Variants in ATRNL1 observed in about 807,000 individuals in gnomAD.
ATRNL1 encodes attractin like 1, also known as attractin-like protein 1.
Under a neutral mutation model 182.7 loss-of-function variants are expected in ATRNL1, and 95 were observed. The ratio of observed to expected loss-of-function variants is 0.52; its 90% confidence interval spans 0.44 to 0.62. The LOEUF (loss-of-function observed/expected upper bound fraction) is 0.62. ATRNL1 is among the 20% of genes least tolerant of loss of function. The pLI is 0.00. For synonymous variants in ATRNL1, 576 were observed against 568.3 expected (o/e 1.01, Z -0.19); for missense variants, 1,471 against 1,679.5 (o/e 0.88, Z 2.17).
intron 27 of ATRNL1, among the ~76,000 whole-genome samples, chr10:115,846,048 A>G (rs1555098666): frequency 1.3e-5 from 2 of 152,076 alleles, no homozygotes; most frequent in African/African-American, 4.8e-5. Flanking sequence ...ATATCTATGT[A>G]CTTATGCTGA....
intron 19 of ATRNL1, among the ~76,000 whole-genome samples, chr10:115,343,579 A>G (rs1855844399): frequency 6.6e-6 from 1 of 152,050 alleles, no homozygotes. Flanking sequence ...GGTATTTTAA[A>G]TTCTCTGTTT....
At chr10:115,366,655 A>G (rs1321194458) in intron 19 of ATRNL1, among the ~76,000 whole-genome samples, 31 of 150,790 alleles carry the variant, frequency 2.1e-4, no homozygotes, top group African/African-American at 7.6e-4. Context: ...AGCGGCTGGT[A>G]CCGGTTGTTC....
intron 27 of ATRNL1, among the ~76,000 whole-genome samples, chr10:115,826,495 T>C (rs1489525306): frequency 6.6e-6 from 1 of 152,100 alleles, no homozygotes. Flanking sequence ...TAGTTTGGCG[T>C]ATGGGAAACA....
intron 28 of ATRNL1, among the ~76,000 whole-genome samples, chr10:115,900,465 CA>C (rs1952322033): frequency 6.6e-6 from 1 of 152,138 alleles, no homozygotes; most frequent in South Asian, 2.1e-4. Context: ...AGCTACAAAA[CA>C]GGAGATAATA....
intron 27 of ATRNL1, among the ~76,000 whole-genome samples, chr10:115,809,659 G>A (rs1950002542): frequency 6.6e-6 from 1 of 151,808 alleles, no homozygotes; most frequent in South Asian, 2.1e-4. Flanking sequence ...TTGTGACATT[G>A]CAACACTCAA....
chr10:115,244,365 G>T (rs1417495681), intron 10 of ATRNL1, among the ~76,000 whole-genome samples: 3 of 151,916 alleles, frequency 2.0e-5, no homozygotes, highest in Admixed American at 1.3e-4. Context: ...TTCTATTATT[G>T]CATGATGGAT....
intron 1 of ATRNL1, among the ~76,000 whole-genome samples, chr10:115,095,375 TAA>T (rs58764432): frequency 0.013 from 1,684 of 124,866 alleles, 28 homozygotes; most frequent in African/African-American, 0.044. Context: ...TTTTTTTTTT[TAA>T]AAAAAAACTT....
chr10:115,226,456 C>T (rs1173351291), intron 9 of ATRNL1, among the ~76,000 whole-genome samples: 1 of 151,820 alleles, frequency 6.6e-6, no homozygotes, highest in South Asian at 2.1e-4. Flanking sequence ...ATGCCATGCT[C>T]ATGGATCAGA....
chr10:115,922,744 G>A (rs1375688806), intron 28 of ATRNL1, among the ~76,000 whole-genome samples: 1 of 152,162 alleles, frequency 6.6e-6, no homozygotes, highest in Non-Finnish European at 1.5e-5. Flanking sequence ...GTAAGAACAT[G>A]TTTTAAATTT....
rs533580317 is a variant in ATRNL1, at chr10:115,402,214, G to C, written c.3269+7462G>C. On this transcript the variant is annotated intron_variant, in intron 20 of 28. Transcript: ENST00000355044. ...CTACTTTGTGTTTATATGTAAAATG[G>C]AGTTAGATTCCAGGCTGAAATATTT... Among the ~76,000 whole-genome samples, 35 of 152,214 alleles carry C rather than the reference G, an allele frequency of 2.3e-4. No homozygotes were observed. The South Asian group carries it at 3.5e-3, about 15-fold the overall frequency.
At chr10:115,425,390 A>G (rs1353894637) in intron 20 of ATRNL1, among the ~76,000 whole-genome samples, 4 of 151,956 alleles carry the variant, frequency 2.6e-5, no homozygotes, top group African/African-American at 7.2e-5. Flanking sequence ...AAGTCACTTT[A>G]TTAAGTTACC....
At chr10:115,224,170 C>T (rs886892072) in intron 9 of ATRNL1, among the ~76,000 whole-genome samples, 1 of 151,220 alleles carries the variant, frequency 6.6e-6, no homozygotes. Context: ...CTCTTGACCT[C>T]GTGATCTGCC....
chr10:115,386,603 C>T (rs577640055), intron 19 of ATRNL1, among the ~76,000 whole-genome samples: 1 of 152,102 alleles, frequency 6.6e-6, no homozygotes, highest in East Asian at 1.9e-4. Flanking sequence ...TGGACTTCTC[C>T]TCCAGTAAAA....
Position 115,944,664 on chromosome 10 carries a change from C to A in ATRNL1, c.4025C>A (p.Ala1342Glu). Residue 1342 changes from alanine to glutamate, a missense_variant, in exon 29 of 29, where the codon GCA becomes GAA. Ala to Glu is a moderately radical substitution (Grantham distance 107). This residue lies in a region of ATRNL1 where 437 missense variants were observed against 506.0 expected (regional missense o/e 0.86). Coordinates refer to ENST00000355044, the MANE Select transcript of ATRNL1 (RefSeq NM_207303.4). ...CTTTTCTCTTTCCTTCCAGGCCTTG[C>A]AATTGCCAGTGCCCTAATAGATATT... is the stretch of plus-strand genomic sequence containing the variant. Reference protein sequence around the residue: ...GAPPPGQSGLAIASALIDISQ... With the variant: ...GAPPPGQSGLEIASALIDISQ... 1 of 1,608,538 alleles carries A rather than the reference C, an allele frequency of 6.2e-7. No homozygotes were observed. Among genetic ancestry groups the A allele is most frequent in the Non-Finnish European group, 8.5e-7 (1 of 1,176,796 alleles).
rs528413029 is a variant in ATRNL1, at chr10:115,109,124, A to G, written c.294-11061A>G. ...TGAGCCCTCATCAGAATCATCCTTA[A>G]TGTTCTTTTCATACCAATACAAGTT... On this transcript the variant is annotated intron_variant, in intron 1 of 28. Transcript: ENST00000355044. Among the ~76,000 whole-genome samples, 21 of 151,892 alleles carry G rather than the reference A, an allele frequency of 1.4e-4. No individual in the cohort carries two copies. The South Asian group carries it at 4.4e-3, about 32-fold the overall frequency.
chr10:115,593,111 C>A (rs1309137669), intron 26 of ATRNL1, among the ~76,000 whole-genome samples: 4 of 152,192 alleles, frequency 2.6e-5, no homozygotes, highest in Admixed American at 2.6e-4. Flanking sequence ...CATCCCATGG[C>A]AGAAGGCAGA....
chr10:115,440,141 G>GT (rs1319232392), intron 21 of ATRNL1, among the ~76,000 whole-genome samples: 2 of 151,744 alleles, frequency 1.3e-5, no homozygotes, highest in African/African-American at 2.4e-5. Flanking sequence ...TGGCTTCTGT[G>GT]TTTTTTAACA....
intron 25 of ATRNL1, among the ~76,000 whole-genome samples, chr10:115,542,033 G>T (rs1429057473): frequency 2.6e-5 from 4 of 152,152 alleles, no homozygotes; most frequent in Non-Finnish European, 5.9e-5. Context: ...AATGTAGGAA[G>T]AAACACTGTA....
chr10:115,733,338 A>G (rs782212097), intron 27 of ATRNL1, among the ~76,000 whole-genome samples: 10 of 152,204 alleles, frequency 6.6e-5, no homozygotes, highest in African/African-American at 1.9e-4. Context: ...CGAGTACTAT[A>G]AAGTGGAGTT....
Sources: gnomAD v4.1 joint callset for allele counts (sites outside exome capture counted in the v4.1 genomes callset) on GRCh38, gnomAD v4.1.1 for gene constraint, gnomAD v4.1.1 regional missense constraint, MANE v1.5 for transcripts, NCBI Gene and HGNC (gene_info 2026-07-23, HGNC 2026-07-21) for gene names.